The following ANKRD30B variants were observed in gnomAD, a reference collection of about 807,000 sequenced individuals.
ANKRD30B encodes ankyrin repeat domain 30B.
ANKRD30B carries 144 observed loss-of-function variants against 202.2 expected under a neutral mutation model. The ratio of observed to expected loss-of-function variants is 0.71; its 90% CI spans 0.62 to 0.82. The LOEUF (loss-of-function observed/expected upper bound fraction) is 0.82. Among genes scored for constraint, ANKRD30B ranks in the 40% least tolerant of loss-of-function variants. ANKRD30B has a pLI of 0.00. For missense variants in ANKRD30B, 1,487 were observed against 1,669.1 expected, an observed-to-expected ratio of 0.89 and a Z score of 1.90; for synonymous variants, 508 against 561.3, an observed-to-expected ratio of 0.91 and a Z score of 1.34.
chr18:14,909,024 C>A, the ANKRD30B span, among the ~76,000 whole-genome samples: 2 of 152,188 alleles, frequency 1.3e-5, no homozygotes, highest in African/African-American at 4.8e-5. Flanking sequence ...GGAGGATGTG[C>A]TGTCTCTGAG....
At chr18:14,833,871 G>T (rs1971061106) in intron 34 of ANKRD30B, among the ~76,000 whole-genome samples, 1 of 152,070 alleles carries the variant, frequency 6.6e-6, no homozygotes, top group South Asian at 2.1e-4. Flanking sequence ...TTTAAAAAAT[G>T]ATTTACCCCA....
rs559810706 is a variant in ANKRD30B, at chr18:14,851,983, G to T, written c.4039G>T (p.Val1347Leu). 6.3e-7 allele frequency: 1 copy of T among 1,599,250 alleles called. No homozygotes were observed. Among genetic ancestry groups the T allele is most frequent in the South Asian group, 1.1e-5 (1 of 89,248 alleles). Residue 1347 changes from valine to leucine, a missense_variant, in exon 42 of 44, where the codon GTG becomes TTG. Physicochemically the swap from Val to Leu is conservative, Grantham distance 32. Around this residue, in one of 6 missense-constraint regions of ANKRD30B, gnomAD observed 182 missense variants for 216.0 expected, o/e 0.84. Coordinates refer to ENST00000690538, the MANE Select transcript of ANKRD30B (RefSeq NM_001367607.2). ...GAGTAATACAATATATAACAATGAG[G>T]TGCTCCATCAACCACTTTATGAAGC... ...DVSNTIYNNEVLHQPLYEAQR... is the reference protein window; with the variant it reads ...DVSNTIYNNELLHQPLYEAQR...
At chr18:14,864,883 C>T in the ANKRD30B span, among the ~76,000 whole-genome samples, 1 of 151,568 alleles carries the variant, frequency 6.6e-6, no homozygotes, top group African/African-American at 2.4e-5. Context: ...CTCTTCTCTC[C>T]TCCTGCTCAC....
rs1598722296 is a variant in ANKRD30B, at chr18:14,850,366, C to T, written c.3548C>T (p.Thr1183Ile). 1 of 1,550,616 alleles carries T rather than the reference C, an allele frequency of 6.4e-7. No homozygotes were observed. Among genetic ancestry groups the T allele is most frequent in the South Asian group, 1.2e-5 (1 of 80,082 alleles). The change falls in exon 41 of 44, where the codon ACA (threonine) becomes ATA (isoleucine). Residue 1183 changes from threonine to isoleucine, a missense_variant. This residue lies in a region of ANKRD30B where 177 missense variants were observed against 216.4 expected (regional missense o/e 0.82). Transcript: ENST00000690538. Reference protein sequence around the residue: ...RIQDIELKSVTSNLNQVSHTH... With the variant: ...RIQDIELKSVISNLNQVSHTH... ...CAAGATATAGAATTGAAAAGTGTAA[C>T]AAGTAATTTGAATCAGGTAAATCAA...
chr18:14,781,632 G>A (rs1290779640), intron 11 of ANKRD30B, among the ~76,000 whole-genome samples: 3 of 26,798 alleles, frequency 1.1e-4, no homozygotes, highest in Non-Finnish European at 2.8e-4. Flanking sequence ...CTCTCCAGGA[G>A]GCACCAGCTG....
chr18:14,798,313 G>A (rs1969064347), intron 20 of ANKRD30B, among the ~76,000 whole-genome samples: 1 of 151,994 alleles, frequency 6.6e-6, no homozygotes, highest in South Asian at 2.1e-4. Flanking sequence ...GTCACATGGG[G>A]ATGAAGTAAT....
chr18:14,780,569 A>G (rs184592975), intron 11 of ANKRD30B, among the ~76,000 whole-genome samples: 27 of 152,368 alleles, frequency 1.8e-4, no homozygotes, highest in African/African-American at 6.0e-4. Flanking sequence ...TAAGGCTTAG[A>G]ATTCACCAGT....
chr18:14,845,019 C>T (rs1971575091), intron 39 of ANKRD30B, among the ~76,000 whole-genome samples: 1 of 151,854 alleles, frequency 6.6e-6, no homozygotes, highest in African/African-American at 2.4e-5. Flanking sequence ...AAATTTTCTC[C>T]CATTCTGTAG....
chr18:14,886,860 G>C, the ANKRD30B span, among the ~76,000 whole-genome samples: 1 of 152,088 alleles, frequency 6.6e-6, no homozygotes, highest in African/African-American at 2.4e-5. Flanking sequence ...TGAATCAGGT[G>C]ATAGTTCAGA....
intron 11 of ANKRD30B, among the ~76,000 whole-genome samples, chr18:14,782,197 C>T (rs527754625): frequency 2.0e-3 from 301 of 152,106 alleles, no homozygotes; most frequent in African/African-American, 7.0e-3. Context: ...GATGTGCTTT[C>T]TTGATTTTTT....
chr18:14,752,682 T>C lies in ANKRD30B; in HGVS notation c.336+2T>C. On this transcript the variant is annotated splice_donor_variant, in intron 2 of 43. Coordinates refer to ENST00000690538, the MANE Select transcript of ANKRD30B (RefSeq NM_001367607.2). LOFTEE classifies it high-confidence loss of function. ...GAAGGGAGGACACCTCTGATGAAGG[T>C]AAATAGTAGCCAGTTTTTTCAGCGG... 6.3e-7 allele frequency: 1 copy of C among 1,595,562 alleles called. No individual in the cohort carries two copies. Among genetic ancestry groups the C allele is most frequent in the Non-Finnish European group, 8.6e-7 (1 of 1,169,006 alleles).
the ANKRD30B span, among the ~76,000 whole-genome samples, chr18:14,868,236 G>T: frequency 2.0e-5 from 3 of 152,280 alleles, no homozygotes; most frequent in African/African-American, 4.8e-5. Flanking sequence ...GCCCAGCCTG[G>T]GATGTGTAAG....
At chr18:14,788,866 T>G (rs1335752847) in intron 15 of ANKRD30B, among the ~76,000 whole-genome samples, 1 of 152,170 alleles carries the variant, frequency 6.6e-6, no homozygotes, top group Non-Finnish European at 1.5e-5. Flanking sequence ...TGTGTGCATG[T>G]GTCTTTATAG....
chr18:14,762,372 T>C (rs1356901498), intron 6 of ANKRD30B, among the ~76,000 whole-genome samples: 2 of 152,184 alleles, frequency 1.3e-5, no homozygotes, highest in Non-Finnish European at 2.9e-5. Context: ...TCAGCAAGAA[T>C]TACAAAACTT....
chr18:14,899,641 T>C, the ANKRD30B span, among the ~76,000 whole-genome samples: 837 of 152,276 alleles, frequency 5.5e-3, 3 homozygotes, highest in African/African-American at 0.019. Context: ...CATACAAAGT[T>C]ATTTAACAAG....
chr18:14,777,201 A>G (rs181431088), intron 9 of ANKRD30B, among the ~76,000 whole-genome samples: 300 of 152,354 alleles, frequency 2.0e-3, no homozygotes, highest in African/African-American at 6.9e-3. Context: ...AGTGTGATCT[A>G]CAAAGCATAC....
chr18:14,796,630 A>C (rs1968915993), intron 18 of ANKRD30B, among the ~76,000 whole-genome samples: 1 of 152,126 alleles, frequency 6.6e-6, no homozygotes, highest in Admixed American at 6.6e-5. Flanking sequence ...CCTCATGTGG[A>C]TATCTGTCCA....
the ANKRD30B span, among the ~76,000 whole-genome samples, chr18:14,876,111 A>G: frequency 6.6e-6 from 1 of 151,884 alleles, no homozygotes; most frequent in Non-Finnish European, 1.5e-5. Context: ...GGAACAGGGC[A>G]TGGCTCTGGA....
chr18:14,856,394 C>T (rs1465784206), downstream of ANKRD30B, among the ~76,000 whole-genome samples: 1 of 138,348 alleles, frequency 7.2e-6, no homozygotes, highest in East Asian at 2.1e-4. Flanking sequence ...GGAGGCTGGG[C>T]AGAGGCGCTC....
Sources: gnomAD v4.1 joint callset for allele counts (sites outside exome capture counted in the v4.1 genomes callset) on GRCh38, gnomAD v4.1.1 for gene constraint, gnomAD v4.1.1 regional missense constraint, MANE v1.5 for transcripts, NCBI Gene and HGNC (gene_info 2026-07-23, HGNC 2026-07-21) for gene names.